The following MARCHF1 variants were observed in gnomAD, a reference collection of about 807,000 sequenced individuals.
MARCHF1 encodes the protein membrane associated ring-CH-type finger 1.
A neutral mutation model predicts 54.2 loss-of-function variants in MARCHF1; 40 were observed. The ratio of observed to expected loss-of-function variants is 0.74; its 90% CI spans 0.57 to 0.96. The LOEUF (loss-of-function observed/expected upper bound fraction) is 0.96, where lower values mean the gene tolerates loss of function less well. Among genes scored for constraint, MARCHF1 ranks in the 40% least tolerant of loss-of-function variants. The probability of loss-of-function intolerance (pLI) is 0.00; values close to 1 mark genes in which losing one functional copy is unlikely to be tolerated. For synonymous variants in MARCHF1, 236 were observed against 236.3 expected, an observed-to-expected ratio of 1.00 and a Z score of 0.01; for missense variants, 586 against 656.5, an observed-to-expected ratio of 0.89 and a Z score of 1.17.
intron 3 of MARCHF1, among the ~76,000 whole-genome samples, chr4:163,975,771 T>C (rs755998459): frequency 2.6e-5 from 4 of 152,190 alleles, no homozygotes; most frequent in Non-Finnish European, 5.9e-5. Context: ...ATAAGGGCCT[T>C]AGGTCCAGCA....
chr4:164,074,572 C>T (rs1298062624), intron 2 of MARCHF1, among the ~76,000 whole-genome samples: 1 of 151,776 alleles, frequency 6.6e-6, no homozygotes, highest in Non-Finnish European at 1.5e-5. Context: ...GCCAACAAGT[C>T]TAAAAATAGG....
chr4:164,243,790 A>G (rs1732852415), intron 1 of MARCHF1, among the ~76,000 whole-genome samples: 1 of 152,206 alleles, frequency 6.6e-6, no homozygotes, highest in Non-Finnish European at 1.5e-5. Flanking sequence ...AAAACAAAAA[A>G]AGGCAGGGGT....
At position 163,528,266 on chromosome 4, in the gene MARCHF1, A is replaced by G. The variant is rs1041633008; in HGVS notation, c.*482T>C. ...ATCAAAATATGCATCCTCCAAGTTC[A>G]CTTCCAATGTGACTTAGGGATAATG... On this transcript the variant is annotated 3_prime_UTR_variant, in exon 10 of 10. Transcript: ENST00000514618. 1 of 154,040 alleles carries G rather than the reference A, an allele frequency of 6.5e-6. No individual in the cohort carries two copies. Among genetic ancestry groups the G allele is most frequent in the South Asian group, 2.0e-4 (1 of 4,896 alleles). 9.5% of individuals were successfully genotyped at this position (154,040 alleles called of 1,614,324 possible).
Position 164,111,353 on chromosome 4 carries a change from G to A in MARCHF1, c.-248+235C>T, listed in dbSNP as rs112015801. Among the ~76,000 whole-genome samples the A allele has an allele frequency of 3.3e-3, 504 of 151,642 alleles. 6 individuals carry two copies. Among genetic ancestry groups the A allele is most frequent in the African/African-American group, 0.011 (458 of 41,438 alleles). On this transcript the variant is annotated intron_variant, in intron 2 of 9. Transcript: ENST00000514618. The stretch of plus-strand genomic sequence containing the variant: ...AATAATAAGATTCTTATCACAAGTC[G>A]TTAAAATATTGCCCAGTAGATACAA...
chr4:163,965,440 G>A (rs1319260817), intron 3 of MARCHF1, among the ~76,000 whole-genome samples: 2 of 151,854 alleles, frequency 1.3e-5, no homozygotes, highest in African/African-American at 2.4e-5. Flanking sequence ...TATATATGAC[G>A]GATATAAGAC....
At chr4:163,941,890 A>G (rs1034402431) in intron 3 of MARCHF1, among the ~76,000 whole-genome samples, 4 of 152,138 alleles carry the variant, frequency 2.6e-5, no homozygotes, top group Admixed American at 2.0e-4. Context: ...GTCAGCTTAT[A>G]CTCAGAAATA....
intron 4 of MARCHF1, among the ~76,000 whole-genome samples, chr4:163,850,322 GCA>G (rs1298069503): frequency 6.6e-6 from 1 of 152,196 alleles, no homozygotes; most frequent in Non-Finnish European, 1.5e-5. Context: ...GAGGCCCGAG[GCA>G]CAGTTTTGAG....
At chr4:164,089,240 A>T (rs1413117917) in intron 2 of MARCHF1, among the ~76,000 whole-genome samples, 2 of 152,210 alleles carry the variant, frequency 1.3e-5, no homozygotes, top group South Asian at 2.1e-4. Context: ...GAATATTGTC[A>T]TGAAAATAAA....
intron 5 of MARCHF1, among the ~76,000 whole-genome samples, chr4:163,624,026 C>A (rs916400617): frequency 3.3e-5 from 5 of 152,142 alleles, no homozygotes; most frequent in Admixed American, 3.3e-4. Flanking sequence ...ACCTCGTGAA[C>A]CGTAACATCA....
chr4:163,656,271 T>C (rs1477039267), intron 5 of MARCHF1, among the ~76,000 whole-genome samples: 2 of 151,810 alleles, frequency 1.3e-5, no homozygotes, highest in African/African-American at 4.8e-5. Context: ...GGGAATACTA[T>C]AAATACCTCT....
intron 1 of MARCHF1, among the ~76,000 whole-genome samples, chr4:164,151,691 T>C (rs561880103): frequency 2.6e-5 from 4 of 152,312 alleles, no homozygotes; most frequent in African/African-American, 9.6e-5. Flanking sequence ...CACTGACTGC[T>C]AGCCTAAATG....
intron 5 of MARCHF1, among the ~76,000 whole-genome samples, chr4:163,641,876 T>C (rs573084300): frequency 1.3e-5 from 2 of 152,302 alleles, no homozygotes; most frequent in South Asian, 4.1e-4. Context: ...TCCTAATTTC[T>C]TTGTTTTGAT....
chr4:163,694,820 T>C (rs1398086487), intron 5 of MARCHF1, among the ~76,000 whole-genome samples: 1 of 152,108 alleles, frequency 6.6e-6, no homozygotes. Context: ...GGAGTGAGTG[T>C]ATATAAATAA....
intron 4 of MARCHF1, among the ~76,000 whole-genome samples, chr4:163,751,505 ATAAT>A (rs1270884411): frequency 1.3e-5 from 2 of 152,178 alleles, no homozygotes; most frequent in East Asian, 3.8e-4. Flanking sequence ...GAAAATTAAT[ATAAT>A]TAATTTTAAA....
In MARCHF1 at chr4:163,848,769, C is replaced by A. The variant is rs188707075; in HGVS notation, c.111+5252G>T. Among the ~76,000 whole-genome samples the A allele has an allele frequency of 3.3e-5, 5 of 152,198 alleles. No individual in the cohort carries two copies. The East Asian group carries it at 5.8e-4, about 18-fold the overall frequency. On this transcript the variant is annotated intron_variant, in intron 4 of 9. Coordinates refer to ENST00000514618, the MANE Select transcript of MARCHF1 (RefSeq NM_001394959.1). The stretch of plus-strand genomic sequence containing the variant: ...TGCTTAATAAGCATAATCTTCCAAA[C>A]CCCTCAAGGTTATTATTCATTATGA...
At chr4:164,068,253 C>T (rs765874242) in intron 2 of MARCHF1, among the ~76,000 whole-genome samples, 14 of 152,188 alleles carry the variant, frequency 9.2e-5, no homozygotes, top group Non-Finnish European at 1.8e-4. Flanking sequence ...GCAGCCCTCG[C>T]TCACTCTCGG....
chr4:164,368,776 C>A (rs1021730665), intron 1 of MARCHF1, among the ~76,000 whole-genome samples: 7 of 152,100 alleles, frequency 4.6e-5, no homozygotes, highest in Admixed American at 3.3e-4. Context: ...AATATGACTT[C>A]CACAGTAAGG....
intron 1 of MARCHF1, among the ~76,000 whole-genome samples, chr4:164,255,511 A>G (rs372139677): frequency 3.3e-5 from 5 of 152,188 alleles, no homozygotes; most frequent in East Asian, 1.9e-4. Context: ...ATACTTACCA[A>G]TTTAAAAGAT....
intron 3 of MARCHF1, among the ~76,000 whole-genome samples, chr4:163,876,247 A>G (rs1750286470): frequency 6.6e-6 from 1 of 152,148 alleles, no homozygotes; most frequent in South Asian, 2.1e-4. Context: ...TAGAATTACT[A>G]TGTCTAAGAT....
Sources: allele counts gnomAD v4.1 joint callset (sites outside exome capture counted in the v4.1 genomes callset), GRCh38; gene constraint gnomAD v4.1.1; transcripts MANE v1.5; gene names NCBI Gene and HGNC (gene_info 2026-07-23, HGNC 2026-07-21).